INPP4A: variants seen among roughly 807,000 people sequenced by gnomAD.
INPP4A encodes the protein inositol polyphosphate-4-phosphatase type I A.
Under a neutral mutation model 119.8 loss-of-function variants are expected in INPP4A, and 33 were observed. That is an observed-to-expected ratio of 0.28 (90% CI 0.21 to 0.37). The LOEUF is 0.37. Ranked by LOEUF, INPP4A falls within the 10% of genes least tolerant of loss-of-function variation. The probability of loss-of-function intolerance (pLI) is 1.00; values close to 1 mark genes in which losing one functional copy is unlikely to be tolerated. For synonymous variants in INPP4A, 496 were observed against 500.7 expected (o/e 0.99, Z 0.12); for missense variants, 956 against 1,289.9 (o/e 0.74, Z 3.97).
chr2:98,532,723 G>A (rs1410136166), intron 4 of INPP4A, among the ~76,000 whole-genome samples: 1 of 152,050 alleles, frequency 6.6e-6, no homozygotes, highest in African/African-American at 2.4e-5. Context: ...AAAAGGTAAT[G>A]TGTTTGTTCT....
intron 10 of INPP4A, among the ~76,000 whole-genome samples, chr2:98,543,021 G>A (rs949018751): frequency 4.0e-5 from 6 of 151,774 alleles, no homozygotes; most frequent in Non-Finnish European, 7.4e-5. Flanking sequence ...CCAGGTTCAC[G>A]CCATTCTCCT....
chr2:98,478,613 T>C (rs1191052895), intron 1 of INPP4A, among the ~76,000 whole-genome samples: 5 of 152,206 alleles, frequency 3.3e-5, no homozygotes, highest in African/African-American at 1.2e-4. Context: ...TGATCTCTTT[T>C]GACCTTTTTG....
At position 98,532,060 on chromosome 2, in the gene INPP4A, T is replaced by C. The variant is rs1485144154; in HGVS notation, c.152-1317T>C. On this transcript the variant is annotated intron_variant, in intron 4 of 24. Coordinates refer to ENST00000409851, the MANE Select transcript of INPP4A (RefSeq NM_001134225.2). ...AAAGAGCAGATCGAGCTGTGAACAGTGGTTAGTTAGATCACCACAGGTCCT... is the reference window on the plus strand; with the variant it reads ...AAAGAGCAGATCGAGCTGTGAACAGCGGTTAGTTAGATCACCACAGGTCCT... Among the ~76,000 whole-genome samples, 3 of 152,182 alleles carry C rather than the reference T, an allele frequency of 2.0e-5. No homozygotes were observed. The East Asian group carries it at 5.8e-4, about 29-fold the overall frequency.
chr2:98,573,789 G>A (rs1697923897), intron 23 of INPP4A, among the ~76,000 whole-genome samples: 1 of 152,164 alleles, frequency 6.6e-6, no homozygotes, highest in Admixed American at 6.5e-5. Context: ...CTTCGGGTTG[G>A]TTATTAGTCC....
chr2:98,460,100 C>CGTGTGTGTGTGTGTGTGTGTGTGTGT lies in INPP4A; in HGVS notation c.-166+15022_-166+15047dup, dbSNP rs3066275. ...GTGCCACACCTTTGGGTTTGGTCAT[C>CGTGTGTGTGTGTGTGTGTGTGTGTGT]GTGTGTGTGTGTGTGTGTGTGTGTG... On this transcript the variant is annotated intron_variant, in intron 1 of 24. Transcript: ENST00000409851. Among the ~76,000 whole-genome samples the CGTGTGTGTGTGTGTGTGTGTGTGTGT allele has an allele frequency of 1.1e-3, 168 of 147,100 alleles. 1 individual carries two copies. The highest frequency in any genetic ancestry group is 4.0e-3 in the African/African-American group (160 of 39,754).
chr2:98,514,604 A>G (rs1456782863), intron 1 of INPP4A, among the ~76,000 whole-genome samples: 1 of 152,058 alleles, frequency 6.6e-6, no homozygotes, highest in African/African-American at 2.4e-5. Context: ...TTATGTCTAT[A>G]ATGAAGCTTT....
At chr2:98,577,594 C>G (rs1483053203) in intron 24 of INPP4A, among the ~76,000 whole-genome samples, 1 of 152,252 alleles carries the variant, frequency 6.6e-6, no homozygotes, top group Non-Finnish European at 1.5e-5. Context: ...CTGCAGGTTG[C>G]ATCGGTCTGC....
At chr2:98,586,085 TACTC>T (rs375545063) in intron 24 of INPP4A, among the ~76,000 whole-genome samples, 166 of 152,334 alleles carry the variant, frequency 1.1e-3, no homozygotes, top group African/African-American at 3.8e-3. Context: ...GATTGTTACT[TACTC>T]CAGGGGGCCT....
chr2:98,556,864 T>C (rs533735529), intron 16 of INPP4A, among the ~76,000 whole-genome samples: 166 of 152,324 alleles, frequency 1.1e-3, no homozygotes, highest in South Asian at 2.9e-3. Flanking sequence ...GTCACCCATC[T>C]CTCCATCTAT....
intron 1 of INPP4A, among the ~76,000 whole-genome samples, chr2:98,456,016 C>T (rs2104539799): frequency 6.6e-6 from 1 of 152,314 alleles, no homozygotes; most frequent in Admixed American, 6.5e-5. Flanking sequence ...CCCAGTACAA[C>T]TACAGCATTT....
intron 7 of INPP4A, among the ~76,000 whole-genome samples, chr2:98,537,377 C>T (rs972306995): frequency 2.0e-5 from 3 of 152,218 alleles, no homozygotes; most frequent in Admixed American, 2.0e-4. Flanking sequence ...GATTCAAGGG[C>T]TTCAGGAAGC....
intron 1 of INPP4A, among the ~76,000 whole-genome samples, chr2:98,457,002 T>C (rs529767769): frequency 6.6e-6 from 1 of 152,354 alleles, no homozygotes; most frequent in South Asian, 2.1e-4. Flanking sequence ...GGTGGGTTTT[T>C]ATTTCCAGCA....
chr2:98,545,857 C>T (rs936928674), intron 11 of INPP4A, 112 bp from the exon 12 acceptor site: 5 of 728,702 alleles, frequency 6.9e-6, no homozygotes, highest in African/African-American at 3.6e-5. Flanking sequence ...AGGCCACTGC[C>T]GACATACCTG....
At chr2:98,468,376 C>T (rs1021293569) in intron 1 of INPP4A, among the ~76,000 whole-genome samples, 30 of 152,256 alleles carry the variant, frequency 2.0e-4, no homozygotes, top group African/African-American at 7.2e-4. Context: ...GTTGGGAGTA[C>T]AGAAATGCCT....
chr2:98,499,670 T>G (rs2105356656), intron 1 of INPP4A, among the ~76,000 whole-genome samples: 1 of 152,310 alleles, frequency 6.6e-6, no homozygotes, highest in South Asian at 2.1e-4. Flanking sequence ...TTTTAAAAAT[T>G]AATAAACTTA....
At chr2:98,513,933 G>C (rs1685609589) in intron 1 of INPP4A, among the ~76,000 whole-genome samples, 1 of 152,220 alleles carries the variant, frequency 6.6e-6, no homozygotes, top group Non-Finnish European at 1.5e-5. Context: ...TGGGCTTCAA[G>C]AATTGGTGGC....
rs1694325957 is a variant in INPP4A, at chr2:98,555,661, C to T, written c.1675C>T (p.Pro559Ser). ...TGGCGAGGGCTGTGAGGATGTCTTC[C>T]CCTGTGCAGGCAGCTGCACCAGCAA... ...LHGEGCEDVF[P>S]CAGSCTSKKG... The change falls in exon 16 of 25, where the codon CCC becomes TCC. Residue 559 changes from proline (P) to serine (S), a missense_variant. By Grantham distance (74) the Pro-to-Ser change is moderately conservative. Transcript: ENST00000409851. 1 of 1,613,832 alleles carries T rather than the reference C, an allele frequency of 6.2e-7. No homozygotes were observed. Among genetic ancestry groups the T allele is most frequent in the African/African-American group, 1.3e-5 (1 of 74,904 alleles).
intron 24 of INPP4A, chr2:98,581,615 C>T (rs771782910): frequency 2.6e-5 from 40 of 1,561,662 alleles, no homozygotes; most frequent in Admixed American, 3.9e-5. Context: ...AGAACTTGAG[C>T]GGCCTGGTGC....
At chr2:98,447,860 AC>A (rs1346649664) in intron 1 of INPP4A, among the ~76,000 whole-genome samples, 7 of 152,088 alleles carry the variant, frequency 4.6e-5, no homozygotes, top group African/African-American at 7.2e-5. Context: ...ATCCTGGCTA[AC>A]ACGGTGAAAC....
Sources: allele counts gnomAD v4.1 joint callset (sites outside exome capture counted in the v4.1 genomes callset), GRCh38; gene constraint gnomAD v4.1.1; transcripts MANE v1.5; gene names NCBI Gene and HGNC (gene_info 2026-07-23, HGNC 2026-07-21).